Variants in SMARCC1 observed in about 807,000 individuals in gnomAD.
SMARCC1 encodes SWI/SNF complex subunit SMARCC1.
Under a neutral mutation model 147.4 loss-of-function variants are expected in SMARCC1, and 43 were observed. That is an observed-to-expected ratio of 0.29 (90% CI 0.23 to 0.38). The LOEUF is 0.38. Ranked by LOEUF, SMARCC1 falls within the 10% of genes least tolerant of loss-of-function variation. The pLI, the probability that SMARCC1 is intolerant of heterozygous loss-of-function variation, is 1.00. For synonymous variants in SMARCC1, 495 were observed against 484.4 expected (o/e 1.02, Z -0.29); for missense variants, 1,119 against 1,381.1 (o/e 0.81, Z 3.01).
chr3:47,620,639 G>A (rs531534657), intron 25 of SMARCC1, among the ~76,000 whole-genome samples: 2 of 151,892 alleles, frequency 1.3e-5, no homozygotes, highest in South Asian at 2.1e-4. Flanking sequence ...GGTCCCGTTT[G>A]GCCCATGACC....
At chr3:47,598,658 C>T (rs1224718691) in intron 26 of SMARCC1, among the ~76,000 whole-genome samples, 4 of 151,456 alleles carry the variant, frequency 2.6e-5, no homozygotes, top group Non-Finnish European at 5.9e-5. Flanking sequence ...AGTGAAACCT[C>T]GTCTCTACTA....
At chr3:47,636,422 T>G (rs1044606940) in intron 22 of SMARCC1, among the ~76,000 whole-genome samples, 1 of 152,150 alleles carries the variant, frequency 6.6e-6, no homozygotes, top group Non-Finnish European at 1.5e-5. Context: ...CCCAGAGGAA[T>G]GTGAAGGGAA....
chr3:47,621,748 G>A (rs2032735216), intron 25 of SMARCC1, among the ~76,000 whole-genome samples: 1 of 150,316 alleles, frequency 6.7e-6, no homozygotes, highest in Non-Finnish European at 1.5e-5. Flanking sequence ...TTAAACCTAA[G>A]CATCATACAA....
chr3:47,630,656 T>C (rs1310965277), intron 24 of SMARCC1, among the ~76,000 whole-genome samples: 8 of 152,180 alleles, frequency 5.3e-5, no homozygotes, highest in Non-Finnish European at 1.2e-4. Context: ...ATTGAGAGGA[T>C]TATTAAGGTA....
At chr3:47,702,230 CAA>C (rs200524652) in intron 10 of SMARCC1, among the ~76,000 whole-genome samples, 2 of 131,134 alleles carry the variant, frequency 1.5e-5, no homozygotes, top group African/African-American at 2.9e-5. Context: ...TCAGGGGGCT[CAA>C]AAAAAAAAAA....
chr3:47,585,441 C>T lies in SMARCC1; in HGVS notation c.*2768G>A, dbSNP rs954840005. 6.6e-6 allele frequency: 1 copy of T among 152,188 alleles called. No homozygotes were observed. The highest frequency in any genetic ancestry group is 1.5e-5 in the Non-Finnish European group (1 of 68,036). The allele number at this position is 152,188 out of a possible 1,614,324, so 9.4% of individuals were successfully genotyped here. A position where few individuals can be genotyped will look rare whatever the true frequency, so the allele number is the denominator to read the frequency against. ...GACACAGAATCCTCTTCTTTTGCTT[C>T]ACTCGATTTATAAGCATCCTGAAAA... On this transcript the variant is annotated 3_prime_UTR_variant, in exon 28 of 28. Transcript: ENST00000254480.
chr3:47,718,543 TAGA>T (rs1037973983), intron 7 of SMARCC1, among the ~76,000 whole-genome samples: 1 of 151,750 alleles, frequency 6.6e-6, no homozygotes, highest in African/African-American at 2.4e-5. Flanking sequence ...GAGAAGTAGA[TAGA>T]AGAAGAGGTT....
At chr3:47,725,081 T>C (rs1051794615) in intron 6 of SMARCC1, among the ~76,000 whole-genome samples, 2 of 149,156 alleles carry the variant, frequency 1.3e-5, no homozygotes, top group Admixed American at 1.3e-4. Context: ...AAGATGTTTA[T>C]ACTTAACACT....
chr3:47,675,410 T>G, intron 18 of SMARCC1, 65 bp downstream of exon 18: 1 of 747,208 alleles, frequency 1.3e-6, no homozygotes, highest in Non-Finnish European at 2.4e-6. Flanking sequence ...AGAAAGCTCA[T>G]TAGATGTATC....
Position 47,670,767 on chromosome 3 carries a change from T to C in SMARCC1, c.1840-50A>G, listed in dbSNP as rs778604116. Reference sequence around the variant, plus strand: ...TTTGCTCATTTTTAAATGCTGAAGATGGAGCTCAGTAGAATTCCTTTCCAA... The same window carrying C: ...TTTGCTCATTTTTAAATGCTGAAGACGGAGCTCAGTAGAATTCCTTTCCAA... On this transcript the variant is annotated intron_variant, in intron 18 of 27. Transcript: ENST00000254480. 1.0e-5 allele frequency: 11 copies of C among 1,086,988 alleles called. No homozygotes were observed. In the East Asian group the frequency reaches 1.2e-4, roughly 12 times the overall value. 67.3% of individuals were successfully genotyped at this position (1,086,988 alleles called of 1,614,324 possible). A position where few individuals can be genotyped will look rare whatever the true frequency, so the allele number is the denominator to read the frequency against.
chr3:47,765,671 C>T (rs1350351936), intron 2 of SMARCC1, among the ~76,000 whole-genome samples: 1 of 152,102 alleles, frequency 6.6e-6, no homozygotes, highest in Non-Finnish European at 1.5e-5. Context: ...GAAATTCATA[C>T]AACAGCAGAG....
At chr3:47,621,330 G>A (rs532302626) in intron 25 of SMARCC1, among the ~76,000 whole-genome samples, 1 of 150,590 alleles carries the variant, frequency 6.6e-6, no homozygotes, top group East Asian at 1.9e-4. Flanking sequence ...AAAAGAAATC[G>A]TTCTACCAAA....
chr3:47,744,342 G>A (rs969863709), intron 3 of SMARCC1, among the ~76,000 whole-genome samples: 1 of 151,880 alleles, frequency 6.6e-6, no homozygotes, highest in Non-Finnish European at 1.5e-5. Flanking sequence ...ACAGGGTTTC[G>A]CCATGATGGC....
intron 10 of SMARCC1, 46 bp downstream of exon 10, chr3:47,706,363 C>G (rs752783941): frequency 6.9e-6 from 10 of 1,458,772 alleles, no homozygotes; most frequent in South Asian, 1.5e-5. Context: ...TAAGCCACCA[C>G]GTCCGGCCTG....
chr3:47,667,317 C>CA lies in SMARCC1; in HGVS notation c.1899+3340dup, dbSNP rs71070207. ...TGGGCGACAGAGCGAGACTCCGTCT[C>CA]AAAAAAAAAAAAAAAAGAGAGAGAG... On this transcript the variant is annotated intron_variant, in intron 19 of 27. Coordinates refer to ENST00000254480, the MANE Select transcript of SMARCC1 (RefSeq NM_003074.4). Among the ~76,000 whole-genome samples, 310 of 131,750 alleles carry CA rather than the reference C, an allele frequency of 2.4e-3. 1 individual carries two copies. Among genetic ancestry groups the CA allele is most frequent in the African/African-American group, 6.7e-3 (222 of 33,080 alleles). 86.4% of individuals were successfully genotyped at this position (131,750 alleles called of 152,430 possible).
At chr3:47,716,047 T>A (rs2034151860) in intron 7 of SMARCC1, among the ~76,000 whole-genome samples, 1 of 151,502 alleles carries the variant, frequency 6.6e-6, no homozygotes, top group African/African-American at 2.4e-5. Flanking sequence ...CAGTAAACTA[T>A]GAAACCAAAT....
chr3:47,679,790 A>C (rs527569371), intron 15 of SMARCC1, among the ~76,000 whole-genome samples: 1 of 147,724 alleles, frequency 6.8e-6, no homozygotes, highest in Admixed American at 7.0e-5. Flanking sequence ...TGAACCCAGG[A>C]GGCAGAGGCT....
chr3:47,616,591 G>A (rs1460225080), intron 25 of SMARCC1, among the ~76,000 whole-genome samples: 3 of 151,658 alleles, frequency 2.0e-5, no homozygotes, highest in Non-Finnish European at 2.9e-5. Flanking sequence ...GATTACAGGC[G>A]CCCACCATCA....
At chr3:47,747,212 T>C (rs982846166) in intron 2 of SMARCC1, among the ~76,000 whole-genome samples, 52 of 151,800 alleles carry the variant, frequency 3.4e-4, no homozygotes, top group Non-Finnish European at 6.6e-4. Flanking sequence ...AGCGGGCAGA[T>C]GGCTTGAGCA....
Sources: gnomAD v4.1 joint callset for allele counts (sites outside exome capture counted in the v4.1 genomes callset) on GRCh38, gnomAD v4.1.1 for gene constraint, MANE v1.5 for transcripts, NCBI Gene and HGNC (gene_info 2026-07-23, HGNC 2026-07-21) for gene names.